The following DSTYK variants were observed in gnomAD, a reference collection of about 807,000 sequenced individuals.
DSTYK encodes dual serine/threonine and tyrosine protein kinase.
A neutral mutation model predicts 98.7 loss-of-function variants in DSTYK; 34 were observed. The ratio of observed to expected loss-of-function variants is 0.34; its 90% confidence interval spans 0.26 to 0.46. The LOEUF (loss-of-function observed/expected upper bound fraction) is 0.46. Ranked by LOEUF, DSTYK falls within the 20% of genes least tolerant of loss-of-function variation. The pLI is 1.00. For synonymous variants in DSTYK, 462 were observed against 457.3 expected, an observed-to-expected ratio of 1.01 and a Z score of -0.13; for missense variants, 962 against 1,181.7, an observed-to-expected ratio of 0.81 and a Z score of 2.73.
intron 1 of DSTYK, among the ~76,000 whole-genome samples, chr1:205,203,664 C>T (rs573997462): frequency 8.7e-4 from 131 of 151,174 alleles, no homozygotes; most frequent in South Asian, 4.8e-3. Flanking sequence ...GCCTGTAATC[C>T]CAGTGCTTTG....
intron 1 of DSTYK, among the ~76,000 whole-genome samples, chr1:205,191,066 T>C (rs547044974): frequency 2.6e-5 from 4 of 152,252 alleles, no homozygotes; most frequent in Admixed American, 2.0e-4. Flanking sequence ...AAATGAACAC[T>C]TCCCCCCTCC....
rs61220458 is a variant in DSTYK, at chr1:205,145,525, G to GTTTTTTTTTTTTTT, written c.*2032_*2033insAAAAAAAAAAAAAA. 8.0e-6 allele frequency: 1 copy of GTTTTTTTTTTTTTT among 125,544 alleles called. No individual in the cohort carries two copies. 7.8% of individuals were successfully genotyped at this position (125,544 alleles called of 1,614,324 possible). ...GATGTGCGACTCATCTTTGTTTTTTGTTTTTTTTTTTGTTTTTTTTTGAGA... is the reference window on the plus strand; with the variant it reads ...GATGTGCGACTCATCTTTGTTTTTTGTTTTTTTTTTTTTTTTTTTTTTTTTGTTTTTTTTTGAGA... On this transcript the variant is annotated 3_prime_UTR_variant, in exon 13 of 13. Coordinates refer to ENST00000367162, the MANE Select transcript of DSTYK (RefSeq NM_015375.3).
At position 205,169,484 on chromosome 1, in the gene DSTYK, C is replaced by T. The variant is rs199871698; in HGVS notation, c.1003G>A (p.Glu335Lys). The T allele has an allele frequency of 6.2e-7, 1 of 1,614,108 alleles. No individual in the cohort carries two copies. The highest frequency in any genetic ancestry group is 2.2e-5 in the East Asian group (1 of 44,860). Residue 335 changes from glutamate (E) to lysine (K), a missense_variant, in exon 3 of 13, where the codon GAA becomes AAA. By Grantham distance (56) the Glu-to-Lys change is moderately conservative. Transcript: ENST00000367162. The surrounding 1 kb of genome is among the most constrained non-coding windows in gnomAD (Gnocchi z 4.0). ...QDTKAQSMLV[E>K]QSEKLRHLST... Reference sequence around the variant, plus strand: ...AAGTGTCTCAGCTTTTCACTCTGTTCCACCAACATGCTCTGAGCTTTAGTA... The same window carrying T: ...AAGTGTCTCAGCTTTTCACTCTGTTTCACCAACATGCTCTGAGCTTTAGTA...
intron 1 of DSTYK, chr1:205,202,416 T>G: frequency 1.3e-6 from 1 of 745,172 alleles, no homozygotes; most frequent in Non-Finnish European, 2.5e-6. Context: ...GGCCAAGCAG[T>G]GGGGCTGGAC....
At chr1:205,160,436 A>T (rs1657684505) in intron 7 of DSTYK, among the ~76,000 whole-genome samples, 166 bp from the exon 8 acceptor site, 1 of 152,022 alleles carries the variant, frequency 6.6e-6, no homozygotes, top group African/African-American at 2.4e-5. Context: ...CCTGGGTTCA[A>T]GCGATTATTC....
At chr1:205,206,489 G>A (rs1205067774) in intron 1 of DSTYK, among the ~76,000 whole-genome samples, 1 of 151,198 alleles carries the variant, frequency 6.6e-6, no homozygotes, top group Non-Finnish European at 1.5e-5. Flanking sequence ...ATGTTGGTCA[G>A]GCTGGTCTCA....
In DSTYK at chr1:205,142,808, T is replaced by C. The variant is rs1167604920; in HGVS notation, c.*4750A>G. 1.3e-5 allele frequency: 2 copies of C among 152,212 alleles called. No homozygotes were observed. Among genetic ancestry groups the C allele is most frequent in the East Asian group, 3.8e-4 (2 of 5,206 alleles). The allele number at this position is 152,212 out of a possible 1,614,324, so 9.4% of individuals were successfully genotyped here. A position where few individuals can be genotyped will look rare whatever the true frequency, so the allele number is the denominator to read the frequency against. ...TATCTTACACTTTTATTTAACACTG[T>C]AATAAACATTAGTCCTTTAAAACAA... On this transcript the variant is annotated 3_prime_UTR_variant, in exon 13 of 13. Transcript: ENST00000367162.
At chr1:205,200,519 T>C (rs1353757006) in intron 1 of DSTYK, among the ~76,000 whole-genome samples, 1 of 152,078 alleles carries the variant, frequency 6.6e-6, no homozygotes, top group Admixed American at 6.5e-5. Context: ...CAATTTTCCA[T>C]ATGCCCTACA....
chr1:205,202,332 C>T lies in DSTYK; in HGVS notation c.265+8939G>A, dbSNP rs941091254. ...GCATATACGAAAAGCCACGAAGTAT[C>T]TGAAAGCTACCACTTTACAGAAACA... On this transcript the variant is annotated intron_variant, in intron 1 of 12. Coordinates refer to ENST00000367162, the MANE Select transcript of DSTYK (RefSeq NM_015375.3). The T allele has an allele frequency of 3.8e-5, 27 of 704,286 alleles. No homozygotes were observed. In the African/African-American group the frequency reaches 4.6e-4, roughly 12 times the overall value. 43.6% of individuals were successfully genotyped at this position (704,286 alleles called of 1,614,324 possible).
intron 7 of DSTYK, among the ~76,000 whole-genome samples, chr1:205,160,724 T>G (rs188530143): frequency 6.6e-6 from 1 of 152,104 alleles, no homozygotes; most frequent in African/African-American, 2.4e-5. Context: ...TCTAACCCAA[T>G]AGAAAATAAT....
chr1:205,191,116 T>C (rs971001514), intron 1 of DSTYK, among the ~76,000 whole-genome samples: 1 of 152,174 alleles, frequency 6.6e-6, no homozygotes, highest in African/African-American at 2.4e-5. Context: ...AACTTGCTAC[T>C]GTCAAAACGA....
chr1:205,205,164 T>C (rs1558628882), intron 1 of DSTYK, among the ~76,000 whole-genome samples: 1 of 152,190 alleles, frequency 6.6e-6, no homozygotes, highest in South Asian at 2.1e-4. Context: ...ACTGAGCTTA[T>C]GTTGAAATGC....
intron 2 of DSTYK, among the ~76,000 whole-genome samples, chr1:205,177,506 C>A (rs2102429294): frequency 6.6e-6 from 1 of 152,284 alleles, no homozygotes; most frequent in East Asian, 1.9e-4. Flanking sequence ...GTTCCCTGAA[C>A]CATCACTCTT....
chr1:205,211,433 G>GGTAGCGGCC lies in DSTYK; in HGVS notation c.94_102dup (p.Gly32_Tyr34dup). Reference sequence around the variant, plus strand: ...TGTCGCAGCCGTCCCAGGTAGCGGCGGTAGCGGCCGAAGCCCCGGCACAGC... The same window carrying GGTAGCGGCC: ...TGTCGCAGCCGTCCCAGGTAGCGGCGGTAGCGGCCGTAGCGGCCGAAGCCCCGGCACAGC... On this transcript the variant is annotated inframe_insertion, in exon 1 of 13. Coordinates refer to ENST00000367162, the MANE Select transcript of DSTYK (RefSeq NM_015375.3). The GGTAGCGGCC allele has an allele frequency of 1.2e-6, 2 of 1,605,698 alleles. No individual in the cohort carries two copies. Among genetic ancestry groups the GGTAGCGGCC allele is most frequent in the Non-Finnish European group, 1.7e-6 (2 of 1,178,124 alleles).
At chr1:205,198,385 T>A (rs537509216) in intron 1 of DSTYK, among the ~76,000 whole-genome samples, 24 of 152,254 alleles carry the variant, frequency 1.6e-4, no homozygotes, top group African/African-American at 5.8e-4. Flanking sequence ...ATTCTCTCCA[T>A]GGGACAGAAC....
intron 3 of DSTYK, among the ~76,000 whole-genome samples, chr1:205,167,632 T>A (rs1249474411): frequency 6.6e-6 from 1 of 152,074 alleles, no homozygotes; most frequent in African/African-American, 2.4e-5. Context: ...GAAATAAGAC[T>A]GGAAAAGTTG....
intron 10 of DSTYK, among the ~76,000 whole-genome samples, chr1:205,155,523 G>T (rs947615673): frequency 4.0e-5 from 6 of 151,566 alleles, no homozygotes; most frequent in Admixed American, 6.6e-5. Flanking sequence ...ACAAAAATTA[G>T]CCTGGCTGCC....
At chr1:205,203,350 C>T (rs565935836) in intron 1 of DSTYK, among the ~76,000 whole-genome samples, 34 of 149,372 alleles carry the variant, frequency 2.3e-4, no homozygotes, top group East Asian at 2.0e-4. Context: ...GTGTGGTTCG[C>T]GCGTGCCTGC....
At chr1:205,201,733 A>C (rs968135693) in intron 1 of DSTYK, among the ~76,000 whole-genome samples, 2 of 152,188 alleles carry the variant, frequency 1.3e-5, no homozygotes, top group Non-Finnish European at 2.9e-5. Flanking sequence ...CAATCTTGTC[A>C]GCAGGCTAAG....
Sources: allele counts gnomAD v4.1 joint callset (sites outside exome capture counted in the v4.1 genomes callset), GRCh38; gene constraint gnomAD v4.1.1; non-coding constraint Gnocchi (gnomAD v3.1); transcripts MANE v1.5; gene names NCBI Gene and HGNC (gene_info 2026-07-23, HGNC 2026-07-21).